The following SLC9A7 variants were observed in gnomAD, a reference collection of about 807,000 sequenced individuals.
SLC9A7 encodes sodium/hydrogen exchanger 7.
A neutral mutation model predicts 52.6 loss-of-function variants in SLC9A7; 19 were observed. That is an observed-to-expected ratio of 0.36 (90% confidence interval 0.25 to 0.53). The LOEUF is 0.53. Ranked by LOEUF, SLC9A7 falls within the 20% of genes least tolerant of loss-of-function variation. SLC9A7 has a pLI of 0.91. For synonymous variants in SLC9A7, 226 were observed against 252.1 expected, an observed-to-expected ratio of 0.90 and a Z score of 0.98; for missense variants, 455 against 597.9, an observed-to-expected ratio of 0.76 and a Z score of 2.49.
intron 1 of SLC9A7, among the ~76,000 whole-genome samples, chrX:46,736,024 G>A (rs1945116213): frequency 9.0e-6 from 1 of 111,410 alleles, no homozygotes; most frequent in Non-Finnish European, 1.9e-5. Context: ...TGGATCTGTG[G>A]TTTGGCATCT....
In SLC9A7 at chrX:46,653,728, C is replaced by T; in HGVS notation, c.1042-14G>A. The T allele has an allele frequency of 8.6e-7, 1 of 1,166,967 alleles. No individual in the cohort carries two copies. Among genetic ancestry groups the T allele is most frequent in the African/African-American group, 1.8e-5 (1 of 56,850 alleles). ...AAACTTAGTCACGTTGGCATTCTGT[C>T]AAGGACCCTGTCTCCAGGTACATGT... is the stretch of plus-strand genomic sequence containing the variant. On this transcript the variant is annotated splice_polypyrimidine_tract_variant and intron_variant, in intron 7 of 16. Transcript: ENST00000616978.
At chrX:46,642,929 C>T (rs745433314) in intron 12 of SLC9A7, among the ~76,000 whole-genome samples, 32 of 111,827 alleles carry the variant, frequency 2.9e-4, no homozygotes, top group Non-Finnish European at 5.5e-4. Flanking sequence ...TTTTCTCTCC[C>T]GCAGCTTTAA....
chrX:46,706,470 A>G (rs1944607187), intron 1 of SLC9A7, among the ~76,000 whole-genome samples: 1 of 109,987 alleles, frequency 9.1e-6, no homozygotes, highest in Non-Finnish European at 1.9e-5. Context: ...AAGAGGTTAT[A>G]TTTTAAAAGT....
intron 15 of SLC9A7, among the ~76,000 whole-genome samples, chrX:46,616,464 T>C (rs1280833223): frequency 9.0e-6 from 1 of 111,149 alleles, no homozygotes; most frequent in East Asian, 2.8e-4. Flanking sequence ...TAAAAGGAAA[T>C]GTAACACACT....
intron 1 of SLC9A7, chrX:46,725,829 C>T (rs750303698): frequency 4.8e-4 from 286 of 592,229 alleles, no homozygotes; most frequent in Non-Finnish European, 7.8e-4. Context: ...CTTGAGCGGC[C>T]GCAAAGAAAC....
At chrX:46,653,827 T>TC in intron 7 of SLC9A7, 113 bp from the exon 8 acceptor site, 1 of 309,014 alleles carries the variant, frequency 3.2e-6, no homozygotes. Context: ...CCTTCAACCT[T>TC]TTTTTTTTTT....
At chrX:46,734,758 C>T (rs1945095629) in intron 1 of SLC9A7, among the ~76,000 whole-genome samples, 1 of 110,542 alleles carries the variant, frequency 9.0e-6, no homozygotes, top group African/African-American at 3.3e-5. Flanking sequence ...TAATTCACAT[C>T]CCACAAAATT....
At position 46,759,012 on chromosome X, in the gene SLC9A7, C is replaced by A; in HGVS notation, c.18G>T (p.Ala6=). Residue 6 remains alanine, a synonymous_variant, in exon 1 of 17, where the codon GCG becomes GCT. Coordinates refer to ENST00000616978, the MANE Select transcript of SLC9A7 (RefSeq NM_001257291.2). ...TAGCCCGACCCGAGCCAGGGCGCGC[C>A]GCGTCACCAGGCTCCATGGTCCCGG... MEPGD[A]ARPGSGRATG... is the part of the protein sequence containing the mutation. The A allele has an allele frequency of 1.0e-5, 10 of 967,166 alleles. No individual in the cohort carries two copies. Among genetic ancestry groups the A allele is most frequent in the Non-Finnish European group, 1.3e-5 (10 of 777,611 alleles). 79.7% of individuals were successfully genotyped at this position (967,166 alleles called of 1,213,427 possible).
chrX:46,732,485 G>A (rs1412745349), intron 1 of SLC9A7, among the ~76,000 whole-genome samples: 1 of 109,837 alleles, frequency 9.1e-6, no homozygotes, highest in African/African-American at 3.3e-5. Flanking sequence ...CCCGGGAGGC[G>A]GAGGTTGCAG....
At chrX:46,704,371 T>C (rs1187899487) in intron 1 of SLC9A7, among the ~76,000 whole-genome samples, 1 of 112,507 alleles carries the variant, frequency 8.9e-6, no homozygotes, top group Non-Finnish European at 1.9e-5. Context: ...ACAGATTATA[T>C]ACACATAAAG....
At chrX:46,671,270 T>C (rs1944013876) in intron 4 of SLC9A7, among the ~76,000 whole-genome samples, 1 of 110,438 alleles carries the variant, frequency 9.1e-6, no homozygotes, top group South Asian at 3.8e-4. Flanking sequence ...TTGCTCATTT[T>C]GTTTTTTTGA....
intron 3 of SLC9A7, 42 bp from the exon 4 acceptor site, chrX:46,672,669 A>AT: frequency 1.0e-6 from 1 of 964,040 alleles, no homozygotes; most frequent in Non-Finnish European, 1.5e-6. Flanking sequence ...TCACATTGTG[A>AT]TTTTCAACAA....
In SLC9A7 at chrX:46,607,001, A is replaced by G. The variant is rs1273944946; in HGVS notation, c.2132T>C (p.Val711Ala). 1.7e-6 allele frequency: 2 copies of G among 1,208,674 alleles called. No homozygotes were observed. Among genetic ancestry groups the G allele is most frequent in the Non-Finnish European group, 2.2e-6 (2 of 894,833 alleles). ...CACTAGGCGGGTGCCCCGGCTCGAA[A>G]CCTTCTGGTCTCCCATTCCCAGGTC... ...ERDLGMGDQKVSSRGTRLVFP... is the reference protein window; with the variant it reads ...ERDLGMGDQKASSRGTRLVFP... Residue 711 changes from valine to alanine, a missense_variant, in exon 17 of 17, where the codon GTT becomes GCT. Val to Ala is a moderately conservative substitution (Grantham distance 64). Transcript: ENST00000616978.
intron 1 of SLC9A7, among the ~76,000 whole-genome samples, chrX:46,722,234 G>A (rs1448291548): frequency 1.8e-5 from 2 of 111,736 alleles, no homozygotes; most frequent in African/African-American, 6.5e-5. Flanking sequence ...CCTTAACTTA[G>A]AGTTTTATTA....
At chrX:46,663,409 C>T (rs1303440141) in intron 5 of SLC9A7, among the ~76,000 whole-genome samples, 4 of 108,665 alleles carry the variant, frequency 3.7e-5, no homozygotes, top group Non-Finnish European at 7.6e-5. Flanking sequence ...GAGGCCGAGG[C>T]GGGTGGATCA....
rs141171016 is a variant in SLC9A7, at chrX:46,630,056, A to C, written c.1740+1530T>G. On this transcript the variant is annotated intron_variant, in intron 14 of 16. Transcript: ENST00000616978. ...AAATCTCCAATGAAGCTTATTGAAAACTCTTCCCAAAATGTCCAGAACTTT... is the reference window on the plus strand; with the variant it reads ...AAATCTCCAATGAAGCTTATTGAAACCTCTTCCCAAAATGTCCAGAACTTT... Among the ~76,000 whole-genome samples, 4 of 109,128 alleles carry C rather than the reference A, an allele frequency of 3.7e-5. No individual in the cohort carries two copies. The East Asian group carries it at 8.7e-4, about 24-fold the overall frequency. The allele number at this position is 109,128 out of a possible 115,157, so 94.8% of individuals were successfully genotyped here.
rs753768992 is a variant in SLC9A7 at position 46,621,067 on chromosome X, C to G, written c.1741-8G>C. 2 of 1,157,057 alleles carry G rather than the reference C, an allele frequency of 1.7e-6. No individual in the cohort carries two copies. The highest frequency in any genetic ancestry group is 6.0e-5 in the East Asian group (2 of 33,376). ...GGCAGAATCTGGGCCGTCCTAGGAA[C>G]AAACAAGAGGGCACATGCTTAGTTG... On this transcript the variant is annotated splice_region_variant and splice_polypyrimidine_tract_variant and intron_variant, in intron 14 of 16. Coordinates refer to ENST00000616978, the MANE Select transcript of SLC9A7 (RefSeq NM_001257291.2).
At chrX:46,650,448 T>C (rs1018484942) in intron 10 of SLC9A7, among the ~76,000 whole-genome samples, 2 of 111,581 alleles carry the variant, frequency 1.8e-5, no homozygotes, top group African/African-American at 6.5e-5. Flanking sequence ...AATATTTTTC[T>C]ATTTTATCTT....
At chrX:46,660,450 A>G (rs1943793308) in intron 7 of SLC9A7, among the ~76,000 whole-genome samples, 1 of 110,005 alleles carries the variant, frequency 9.1e-6, no homozygotes, top group Non-Finnish European at 1.9e-5. Context: ...AAAATGGGAG[A>G]AAATTTTCAC....
Sources: allele counts gnomAD v4.1 joint callset (sites outside exome capture counted in the v4.1 genomes callset), GRCh38; gene constraint gnomAD v4.1.1; transcripts MANE v1.5; gene names NCBI Gene and HGNC (gene_info 2026-07-23, HGNC 2026-07-21).